The following DNAJC18 variants were observed in gnomAD, a reference collection of about 807,000 sequenced individuals.
DNAJC18 encodes dnaJ homolog subfamily C member 18.
In DNAJC18, 40 loss-of-function variants were observed where a neutral mutation model predicts 48.6. The observed-to-expected ratio is 0.82, with a 90% CI of 0.64 to 1.07. The LOEUF (loss-of-function observed/expected upper bound fraction) is 1.07, where lower values mean the gene tolerates loss of function less well. Among genes scored for constraint, DNAJC18 ranks in the 50% least tolerant of loss-of-function variants. The pLI is 0.00. For synonymous variants in DNAJC18, 135 were observed against 152.2 expected (o/e 0.89, Z 0.83); for missense variants, 340 against 427.7 (o/e 0.79, Z 1.81).
chr5:139,415,056 G>A (rs925693882), intron 7 of DNAJC18, among the ~76,000 whole-genome samples: 4 of 152,166 alleles, frequency 2.6e-5, no homozygotes, highest in African/African-American at 7.2e-5. Context: ...CTTTAGAGAC[G>A]TATTGCGTAT....
In DNAJC18 at chr5:139,439,503, A is replaced by AGGGG; in HGVS notation, c.-62_-59dup. ...CCCCCGTGCCCGAGGCTGAAAGAGAAGGGGGCGCGGAGCGCGGGGCACGCT... is the reference window on the plus strand; with the variant it reads ...CCCCCGTGCCCGAGGCTGAAAGAGAAGGGGGGGGGCGCGGAGCGCGGGGCACGCT... On this transcript the variant is annotated 5_prime_UTR_variant, in exon 1 of 8. Coordinates refer to ENST00000302060, the MANE Select transcript of DNAJC18 (RefSeq NM_152686.4). This position sits in a 1 kb window ranked among gnomAD's most constrained non-coding sequence, Gnocchi z 4.1. 6.2e-7 allele frequency: 1 copy of AGGGG among 1,612,904 alleles called. No homozygotes were observed. Among genetic ancestry groups the AGGGG allele is most frequent in the Non-Finnish European group, 8.5e-7 (1 of 1,179,642 alleles).
chr5:139,426,121 G>A (rs1434604085), intron 4 of DNAJC18, 51 bp downstream of exon 4: 2 of 1,563,076 alleles, frequency 1.3e-6, no homozygotes, highest in Admixed American at 1.8e-5. Context: ...AGCTTGCTGA[G>A]AGCCATAAAT....
At chr5:139,416,498 C>T (rs951330002) in intron 7 of DNAJC18, among the ~76,000 whole-genome samples, 1 of 152,234 alleles carries the variant, frequency 6.6e-6, no homozygotes, top group Non-Finnish European at 1.5e-5. Flanking sequence ...GTGCTACATC[C>T]AGTCTACAGT....
At chr5:139,430,449 T>C (rs1055544300) in intron 2 of DNAJC18, among the ~76,000 whole-genome samples, 1 of 152,194 alleles carries the variant, frequency 6.6e-6, no homozygotes, top group East Asian at 1.9e-4. Flanking sequence ...TTAACCTCTA[T>C]AGCTTGGTGT....
Position 139,426,326 on chromosome 5 carries a change from A to G in DNAJC18, c.405T>C (p.Asn135=), listed in dbSNP as rs766281918. Residue 135 remains asparagine (N), a synonymous_variant, in exon 4 of 8, where the codon AAT becomes AAC. Coordinates refer to ENST00000302060, the MANE Select transcript of DNAJC18 (RefSeq NM_152686.4). ...AIGNAFAVLS[N]PDKRLRYDEY... is the part of the protein sequence containing the mutation. ...CATCATAGCGAAGTCTCTTATCAGGATTGCTCAGGACTGCAAATGCATTTC... is the reference window on the plus strand; with the variant it reads ...CATCATAGCGAAGTCTCTTATCAGGGTTGCTCAGGACTGCAAATGCATTTC... 7.4e-6 allele frequency: 12 copies of G among 1,614,004 alleles called. No homozygotes were observed. Among genetic ancestry groups the G allele is most frequent in the African/African-American group, 1.3e-5 (1 of 74,912 alleles).
intron 7 of DNAJC18, 80 bp from the exon 8 acceptor site, chr5:139,414,352 CT>C: frequency 6.6e-7 from 1 of 1,514,640 alleles, no homozygotes; most frequent in South Asian, 1.3e-5. Context: ...GTCAAAGCTC[CT>C]TTTACTTCAT....
chr5:139,426,138 A>G, intron 4 of DNAJC18, 34 bp downstream of exon 4: 1 of 1,593,944 alleles, frequency 6.3e-7, no homozygotes, highest in Non-Finnish European at 8.5e-7. Flanking sequence ...AAATAAAGAA[A>G]TATGTTTAAG....
chr5:139,438,294 T>C (rs1304106655), intron 1 of DNAJC18, among the ~76,000 whole-genome samples: 2 of 148,960 alleles, frequency 1.3e-5, no homozygotes, highest in East Asian at 3.9e-4. Flanking sequence ...CCAGCCTGGG[T>C]GATAGAGCGA....
At position 139,422,820 on chromosome 5, in the gene DNAJC18, G is replaced by T. The variant is rs1350156568; in HGVS notation, c.670-3C>A. On this transcript the variant is annotated splice_region_variant and splice_polypyrimidine_tract_variant and intron_variant, in intron 5 of 7. Coordinates refer to ENST00000302060, the MANE Select transcript of DNAJC18 (RefSeq NM_152686.4). ...TGAATAAATGCAGAATATGTAGTCT[G>T]AAAAAGAAAAAAAAATAAAAACTTG... 3 of 1,546,908 alleles carry T rather than the reference G, an allele frequency of 1.9e-6. No individual in the cohort carries two copies. In the East Asian group the frequency reaches 6.9e-5, roughly 36 times the overall value.
chr5:139,421,761 TTGCACCAC>T (rs890343307), intron 6 of DNAJC18, among the ~76,000 whole-genome samples: 49 of 152,074 alleles, frequency 3.2e-4, no homozygotes, highest in African/African-American at 1.2e-3. Context: ...TGAGCCCAGA[TTGCACCAC>T]TGCACTCCAG....
At chr5:139,419,921 C>G (rs891158999) in intron 7 of DNAJC18, 132 bp downstream of exon 7, 50 of 884,290 alleles carry the variant, frequency 5.7e-5, no homozygotes, top group Non-Finnish European at 8.0e-5. Flanking sequence ...TCCTGAATGG[C>G]CTTTGTCCTC....
intron 2 of DNAJC18, 101 bp downstream of exon 2, chr5:139,437,271 C>A (rs1348226234): frequency 4.1e-5 from 57 of 1,381,766 alleles, no homozygotes; most frequent in Non-Finnish European, 5.5e-5. Context: ...CAATTATCAT[C>A]ATCATCATCA....
rs1219364203 is a variant in DNAJC18, at chr5:139,422,698, C to T, written c.779+10G>A. 6.3e-7 allele frequency: 1 copy of T among 1,576,484 alleles called. No individual in the cohort carries two copies. The highest frequency in any genetic ancestry group is 8.7e-7 in the Non-Finnish European group (1 of 1,154,808). Reference sequence around the variant, plus strand: ...TGTTACTGAGAAAGATTTAGAAATACCAGACTTACGATTTATAGAACAGAC... The same window carrying T: ...TGTTACTGAGAAAGATTTAGAAATATCAGACTTACGATTTATAGAACAGAC... On this transcript the variant is annotated intron_variant, in intron 6 of 7. Coordinates refer to ENST00000302060, the MANE Select transcript of DNAJC18 (RefSeq NM_152686.4).
chr5:139,422,920 C>G (rs1341343487), intron 5 of DNAJC18, 103 bp from the exon 6 acceptor site: 2 of 649,080 alleles, frequency 3.1e-6, no homozygotes, highest in Admixed American at 7.6e-5. Flanking sequence ...ACTGCAAGCT[C>G]CGCCTCTCGG....
At chr5:139,429,990 A>G (rs1759304074) in intron 2 of DNAJC18, among the ~76,000 whole-genome samples, 1 of 152,206 alleles carries the variant, frequency 6.6e-6, no homozygotes, top group Non-Finnish European at 1.5e-5. Context: ...GATGAGAAGT[A>G]TAGAATAATA....
chr5:139,437,268 C>G, intron 2 of DNAJC18, 104 bp downstream of exon 2: 1 of 1,143,896 alleles, frequency 8.7e-7, no homozygotes, highest in Non-Finnish European at 1.2e-6. Flanking sequence ...CCTCAATTAT[C>G]ATCATCATCA....
At chr5:139,416,539 GA>G (rs1193199841) in intron 7 of DNAJC18, among the ~76,000 whole-genome samples, 3 of 152,230 alleles carry the variant, frequency 2.0e-5, no homozygotes, top group Non-Finnish European at 4.4e-5. Context: ...GACTCCACCA[GA>G]AATTAGGCAC....
intron 2 of DNAJC18, among the ~76,000 whole-genome samples, chr5:139,430,414 G>C (rs1322666894): frequency 6.6e-6 from 1 of 152,124 alleles, no homozygotes; most frequent in Non-Finnish European, 1.5e-5. Context: ...AAATGCCTTG[G>C]TTTAGCTTTG....
intron 7 of DNAJC18, among the ~76,000 whole-genome samples, chr5:139,419,419 A>C (rs1035285358): frequency 6.6e-6 from 1 of 152,270 alleles, no homozygotes; most frequent in Admixed American, 6.5e-5. Context: ...CCAAAGGGGC[A>C]GACCCAAGGG....
Sources: gnomAD v4.1 joint callset for allele counts (sites outside exome capture counted in the v4.1 genomes callset) on GRCh38, gnomAD v4.1.1 for gene constraint, Gnocchi (gnomAD v3.1) non-coding constraint, MANE v1.5 for transcripts, NCBI Gene and HGNC (gene_info 2026-07-23, HGNC 2026-07-21) for gene names.